Variants in ZMYM4 observed in about 807,000 individuals in gnomAD.
The protein encoded by ZMYM4 is zinc finger MYM-type containing 4.
Under a neutral mutation model 183.2 loss-of-function variants are expected in ZMYM4, and 31 were observed. The observed-to-expected ratio is 0.17, with a 90% CI of 0.13 to 0.23. The LOEUF (loss-of-function observed/expected upper bound fraction) is 0.23. ZMYM4 is among the 10% of genes least tolerant of loss of function. The pLI, the probability that ZMYM4 is intolerant of heterozygous loss-of-function variation, is 1.00. For missense variants in ZMYM4, 1,273 were observed against 1,840.3 expected (o/e 0.69, Z 5.64); for synonymous variants, 592 against 631.2 (o/e 0.94, Z 0.93).
At chr1:35,361,598 A>C in intron 4 of ZMYM4, 21 bp from the exon 5 acceptor site, 1 of 1,593,652 alleles carries the variant, frequency 6.3e-7, no homozygotes, top group Non-Finnish European at 8.5e-7. Context: ...ATATTTATTA[A>C]TCCTTTATAT....
chr1:35,416,880 G>A (rs1345084638), intron 28 of ZMYM4, among the ~76,000 whole-genome samples: 1 of 152,282 alleles, frequency 6.6e-6, no homozygotes, highest in Non-Finnish European at 1.5e-5. Flanking sequence ...GGTATTAACT[G>A]GGGGAGGGAA....
At chr1:35,404,129 A>G (rs1181001616) in intron 23 of ZMYM4, among the ~76,000 whole-genome samples, 1 of 152,158 alleles carries the variant, frequency 6.6e-6, no homozygotes, top group Non-Finnish European at 1.5e-5. Flanking sequence ...CAGTGGCGTA[A>G]TCATGGCTCG....
intron 7 of ZMYM4, among the ~76,000 whole-genome samples, chr1:35,375,980 G>T (rs1307183787): frequency 6.6e-6 from 1 of 151,984 alleles, no homozygotes; most frequent in Non-Finnish European, 1.5e-5. Flanking sequence ...GGAGGATGAG[G>T]TGAGAGGATT....
intron 1 of ZMYM4, among the ~76,000 whole-genome samples, chr1:35,318,054 GT>G (rs58071694): frequency 0.066 from 7,681 of 116,456 alleles, 138 homozygotes; most frequent in African/African-American, 0.16. Context: ...GATTATGGCA[GT>G]TTTTTTTTTT....
chr1:35,337,842 G>A (rs1465671293), intron 2 of ZMYM4, among the ~76,000 whole-genome samples: 3 of 152,168 alleles, frequency 2.0e-5, no homozygotes, highest in Non-Finnish European at 2.9e-5. Context: ...GGGAGGCTGA[G>A]GCAGGAATAT....
At chr1:35,316,061 GT>G (rs1286016872) in intron 1 of ZMYM4, among the ~76,000 whole-genome samples, 1 of 152,114 alleles carries the variant, frequency 6.6e-6, no homozygotes, top group Non-Finnish European at 1.5e-5. Flanking sequence ...ACTAATTCAA[GT>G]TTTTAGTTTA....
intron 1 of ZMYM4, among the ~76,000 whole-genome samples, chr1:35,322,523 C>A (rs1480732061): frequency 6.6e-6 from 1 of 151,676 alleles, no homozygotes; most frequent in African/African-American, 2.4e-5. Flanking sequence ...TCTTCTAGTT[C>A]TCTTTTTTCC....
intron 9 of ZMYM4, 30 bp from the exon 10 acceptor site, chr1:35,385,412 A>G: frequency 6.3e-7 from 1 of 1,586,246 alleles, no homozygotes; most frequent in Non-Finnish European, 8.5e-7. Context: ...GAATTTGTTA[A>G]AAATGAATGT....
At chr1:35,376,053 G>A (rs1183859061) in intron 7 of ZMYM4, among the ~76,000 whole-genome samples, 1 of 151,574 alleles carries the variant, frequency 6.6e-6, no homozygotes, top group Non-Finnish European at 1.5e-5. Flanking sequence ...TTCAGCCTAG[G>A]TGACACAGCA....
chr1:35,373,926 C>T (rs1362085065), intron 7 of ZMYM4, among the ~76,000 whole-genome samples: 1 of 150,648 alleles, frequency 6.6e-6, no homozygotes, highest in African/African-American at 2.4e-5. Context: ...AGACTTTATA[C>T]TGCTTGAATT....
intron 1 of ZMYM4, among the ~76,000 whole-genome samples, chr1:35,284,174 C>CCCGTCTTTAGTAGAG (rs1557909327): frequency 3.4e-4 from 52 of 151,874 alleles, no homozygotes; most frequent in Admixed American, 2.7e-3. Context: ...GACGGGGTTT[C>CCCGTCTTTAGTAGAG]ACCTTGTTAG....
chr1:35,392,178 G>C (rs775306464), intron 15 of ZMYM4, 34 bp from the exon 16 acceptor site: 1 of 1,613,580 alleles, frequency 6.2e-7, no homozygotes, highest in South Asian at 1.1e-5. Context: ...TATAAATCAC[G>C]TGAGGTTTCC....
intron 2 of ZMYM4, among the ~76,000 whole-genome samples, chr1:35,340,550 G>A (rs1235235424): frequency 6.6e-6 from 1 of 151,744 alleles, no homozygotes; most frequent in African/African-American, 2.4e-5. Context: ...GGAGATAAGT[G>A]ACAGATCATC....
chr1:35,348,293 C>T (rs1040395059), intron 2 of ZMYM4, among the ~76,000 whole-genome samples: 2 of 152,176 alleles, frequency 1.3e-5, no homozygotes, highest in Non-Finnish European at 2.9e-5. Flanking sequence ...AAATATTCCA[C>T]TGGTTTCAAA....
At chr1:35,399,344 A>G (rs1265401954) in intron 22 of ZMYM4, 138 bp from the exon 23 acceptor site, 4 of 865,676 alleles carry the variant, frequency 4.6e-6, no homozygotes, top group South Asian at 1.9e-5. Flanking sequence ...GTTTAAGTCT[A>G]TAAGTGGAAT....
Position 35,352,147 on chromosome 1 carries a change from C to G in ZMYM4, c.86-6778C>G, listed in dbSNP as rs181245908. 2.6e-5 allele frequency among the ~76,000 whole-genome samples: 4 copies of G among 152,288 alleles called. No individual in the cohort carries two copies. The East Asian group carries it at 7.7e-4, about 29-fold the overall frequency. ...GGTACAGTGACTTGCACCTATAATT[C>G]CAGCATTTTGGGAGGCTGAGGTGGG... is the stretch of plus-strand genomic sequence containing the variant. On this transcript the variant is annotated intron_variant, in intron 2 of 29. Coordinates refer to ENST00000314607, the MANE Select transcript of ZMYM4 (RefSeq NM_005095.3).
intron 7 of ZMYM4, among the ~76,000 whole-genome samples, chr1:35,375,476 A>C (rs893595990): frequency 1.3e-5 from 2 of 152,176 alleles, no homozygotes; most frequent in Non-Finnish European, 2.9e-5. Context: ...TACATAGTCT[A>C]TGTAGTCAAA....
At chr1:35,294,947 T>G (rs527629270) in intron 1 of ZMYM4, among the ~76,000 whole-genome samples, 2 of 152,242 alleles carry the variant, frequency 1.3e-5, no homozygotes, top group African/African-American at 4.8e-5. Flanking sequence ...CATTTTAGAT[T>G]CCACTGTGCT....
intron 7 of ZMYM4, among the ~76,000 whole-genome samples, chr1:35,378,183 T>G (rs1290001633): frequency 6.6e-6 from 1 of 152,188 alleles, no homozygotes; most frequent in African/African-American, 2.4e-5. Context: ...TTCTCCCACA[T>G]TTGTAGTTAT....
Sources: allele counts gnomAD v4.1 joint callset (sites outside exome capture counted in the v4.1 genomes callset), GRCh38; gene constraint gnomAD v4.1.1; transcripts MANE v1.5; gene names NCBI Gene and HGNC (gene_info 2026-07-23, HGNC 2026-07-21).